CRISPLD1: variants seen among roughly 807,000 people sequenced by gnomAD.
The protein encoded by CRISPLD1 is cysteine-rich secretory protein LCCL domain-containing 1.
In CRISPLD1, 60 loss-of-function variants were observed where a neutral mutation model predicts 77.5. That is an observed-to-expected ratio of 0.77 (90% CI 0.63 to 0.96). The LOEUF (loss-of-function observed/expected upper bound fraction) is 0.96. Ranked by LOEUF, CRISPLD1 falls within the 40% of genes least tolerant of loss-of-function variation. The pLI, the probability that CRISPLD1 is intolerant of heterozygous loss-of-function variation, is 0.00. For missense variants in CRISPLD1, 623 were observed against 615.8 expected, an observed-to-expected ratio of 1.01 and a Z score of -0.12; for synonymous variants, 195 against 200.1, an observed-to-expected ratio of 0.97 and a Z score of 0.22.
At chr8:75,002,557 A>G (rs1400053681) in intron 2 of CRISPLD1, among the ~76,000 whole-genome samples, 1 of 151,728 alleles carries the variant, frequency 6.6e-6, no homozygotes, top group Non-Finnish European at 1.5e-5. Context: ...AAGGCAAGCC[A>G]TGGGGTGTGG....
chr8:75,015,695 A>C (rs28567420), intron 6 of CRISPLD1, among the ~76,000 whole-genome samples: 43,255 of 151,758 alleles, frequency 0.29, 6,891 homozygotes, highest in African/African-American at 0.44. Flanking sequence ...TCCCTTAATG[A>C]TGCATTAACT....
At chr8:75,022,154 C>T (rs551016826) in intron 12 of CRISPLD1, among the ~76,000 whole-genome samples, 2 of 152,114 alleles carry the variant, frequency 1.3e-5, no homozygotes, top group African/African-American at 4.8e-5. Context: ...TTCATTTTAG[C>T]CTTTACTGTT....
chr8:75,027,911 T>C lies in CRISPLD1; in HGVS notation c.1321-1476T>C, dbSNP rs576316775. ...ATCATATATTAGTTTTTAAAAAGTC[T>C]GAGTATGAAAAGAAAATGTCTTCTG... On this transcript the variant is annotated intron_variant, in intron 13 of 14. Coordinates refer to ENST00000262207, the MANE Select transcript of CRISPLD1 (RefSeq NM_031461.6). Among the ~76,000 whole-genome samples the C allele has an allele frequency of 1.6e-4, 24 of 152,310 alleles. No individual in the cohort carries two copies. In the South Asian group the frequency reaches 4.4e-3, roughly 28 times the overall value.
At chr8:74,993,721 A>G (rs1467423064) in intron 2 of CRISPLD1, among the ~76,000 whole-genome samples, 1 of 152,254 alleles carries the variant, frequency 6.6e-6, no homozygotes, top group Admixed American at 6.5e-5. Flanking sequence ...AGTAGTTTCA[A>G]TAGGAGAATG....
At chr8:75,011,084 A>G (rs1395001845) in intron 2 of CRISPLD1, among the ~76,000 whole-genome samples, 1 of 149,926 alleles carries the variant, frequency 6.7e-6, no homozygotes, top group East Asian at 1.9e-4. Flanking sequence ...CCAGCCATTT[A>G]TCAAGTTCTA....
intron 2 of CRISPLD1, among the ~76,000 whole-genome samples, chr8:74,998,769 A>C (rs1812686682): frequency 6.6e-6 from 1 of 150,956 alleles, no homozygotes; most frequent in Non-Finnish European, 1.5e-5. Context: ...AGGTATTGCC[A>C]GGAATCAGAG....
chr8:74,995,708 G>T (rs1220090833), intron 2 of CRISPLD1, among the ~76,000 whole-genome samples: 1 of 152,108 alleles, frequency 6.6e-6, no homozygotes, highest in Non-Finnish European at 1.5e-5. Flanking sequence ...AATTCAATTA[G>T]GGAACATATC....
At chr8:74,999,588 C>T (rs1270768854) in intron 2 of CRISPLD1, among the ~76,000 whole-genome samples, 3 of 152,100 alleles carry the variant, frequency 2.0e-5, no homozygotes, top group Non-Finnish European at 2.9e-5. Context: ...GGCCGCTGTT[C>T]TAGCAACCTC....
chr8:75,008,899 C>T (rs552612256), intron 2 of CRISPLD1, among the ~76,000 whole-genome samples: 4 of 152,116 alleles, frequency 2.6e-5, no homozygotes, highest in South Asian at 2.1e-4. Context: ...ATATGTTTTA[C>T]GTTTTATTCC....
At chr8:74,997,376 C>A (rs1812662933) in intron 2 of CRISPLD1, among the ~76,000 whole-genome samples, 1 of 152,084 alleles carries the variant, frequency 6.6e-6, no homozygotes, top group African/African-American at 2.4e-5. Context: ...TAGGTTTTTA[C>A]AAAGCTCTTT....
At chr8:75,003,459 T>C (rs140813299) in intron 2 of CRISPLD1, among the ~76,000 whole-genome samples, 1,650 of 152,292 alleles carry the variant, frequency 0.011, 8 homozygotes, top group Non-Finnish European at 0.016. Flanking sequence ...TATTTTGATA[T>C]GTGAATATAA....
intron 6 of CRISPLD1, 45 bp from the exon 7 acceptor site, chr8:75,016,520 A>C: frequency 2.6e-6 from 4 of 1,538,282 alleles, no homozygotes; most frequent in Non-Finnish European, 3.5e-6. Context: ...ATTCATGCAC[A>C]TGTAAAATAG....
At chr8:75,008,957 A>G (rs1402508704) in intron 2 of CRISPLD1, among the ~76,000 whole-genome samples, 1 of 152,206 alleles carries the variant, frequency 6.6e-6, no homozygotes, top group African/African-American at 2.4e-5. Flanking sequence ...ACTTAAATAC[A>G]CTGTAGTATA....
At chr8:75,015,683 T>C (rs1813015232) in intron 6 of CRISPLD1, among the ~76,000 whole-genome samples, 1 of 152,168 alleles carries the variant, frequency 6.6e-6, no homozygotes, top group South Asian at 2.1e-4. Context: ...CGTGTCTTTT[T>C]TTCCCTTAAT....
intron 2 of CRISPLD1, among the ~76,000 whole-genome samples, chr8:74,991,140 G>T (rs369595630): frequency 6.6e-6 from 1 of 151,788 alleles, no homozygotes; most frequent in Non-Finnish European, 1.5e-5. Flanking sequence ...TTACAGGTGC[G>T]CACCACCACT....
At chr8:74,991,587 A>G (rs1256441807) in intron 2 of CRISPLD1, among the ~76,000 whole-genome samples, 10 of 152,142 alleles carry the variant, frequency 6.6e-5, no homozygotes, top group African/African-American at 1.7e-4. Context: ...CTGGAGCGCA[A>G]TGGTACTGTC....
chr8:75,014,325 A>C (rs1226882538), intron 5 of CRISPLD1, among the ~76,000 whole-genome samples: 1 of 152,130 alleles, frequency 6.6e-6, no homozygotes, highest in East Asian at 1.9e-4. Context: ...TATGGGAACC[A>C]TATTTTTATG....
Position 75,012,710 on chromosome 8 carries a change from GT to G in CRISPLD1, c.377+165del, listed in dbSNP as rs1812954122. On this transcript the variant is annotated intron_variant, in intron 3 of 14. Transcript: ENST00000262207. ...AAATGCCACACCAGAACAATCAGCA[GT>G]TTTTTAGACTTTAATGTAAATCATC... Among the ~76,000 whole-genome samples, 9 of 152,220 alleles carry G rather than the reference GT, an allele frequency of 5.9e-5. 3 individuals are homozygous for G. The highest frequency in any genetic ancestry group is 2.2e-4 in the African/African-American group (9 of 41,554).
At chr8:74,985,002 TAAAA>T (rs35842052) in intron 1 of CRISPLD1, 82 bp downstream of exon 1, 2 of 139,506 alleles carry the variant, frequency 1.4e-5, no homozygotes, top group Non-Finnish European at 3.1e-5. Context: ...AAACTGTACT[TAAAA>T]AAAAAAAAAA....
Sources: allele counts gnomAD v4.1 joint callset (sites outside exome capture counted in the v4.1 genomes callset), GRCh38; gene constraint gnomAD v4.1.1; transcripts MANE v1.5; gene names NCBI Gene and HGNC (gene_info 2026-07-23, HGNC 2026-07-21).